TAOK3: variants seen among roughly 807,000 people sequenced by gnomAD.
TAOK3 encodes TAO kinase 3.
Under a neutral mutation model 120.4 loss-of-function variants are expected in TAOK3, and 40 were observed. The observed-to-expected ratio is 0.33, with a 90% CI of 0.26 to 0.43. The LOEUF is 0.43. Among genes scored for constraint, TAOK3 ranks in the 20% least tolerant of loss-of-function variants. TAOK3 has a pLI of 1.00. For missense variants in TAOK3, 821 were observed against 1,112.1 expected, an observed-to-expected ratio of 0.74 and a Z score of 3.72; for synonymous variants, 355 against 387.5, an observed-to-expected ratio of 0.92 and a Z score of 0.99.
chr12:118,333,965 A>G (rs1365783829), intron 1 of TAOK3, among the ~76,000 whole-genome samples: 1 of 151,706 alleles, frequency 6.6e-6, no homozygotes, highest in Non-Finnish European at 1.5e-5. Context: ...GAGAAACCCC[A>G]TCTCTACTAA....
chr12:118,189,744 G>A lies in TAOK3; in HGVS notation c.1329+63C>T. On this transcript the variant is annotated intron_variant, in intron 14 of 20. Coordinates refer to ENST00000392533, the MANE Select transcript of TAOK3 (RefSeq NM_016281.4). ...AAGCCGAGACAGGCTCAGGGAGGGC[G>A]AGAGGCTGCCAGATGGGGAGGAGGG... 5 of 1,600,368 alleles carry A rather than the reference G, an allele frequency of 3.1e-6. No homozygotes were observed. The South Asian group carries it at 3.3e-5, about 11-fold the overall frequency.
At chr12:118,213,164 CT>C (rs1471952448) in intron 10 of TAOK3, among the ~76,000 whole-genome samples, 169 bp from the exon 11 acceptor site, 2 of 152,112 alleles carry the variant, frequency 1.3e-5, no homozygotes, top group Non-Finnish European at 2.9e-5. Context: ...ATCTAAAATT[CT>C]TTTGGATAAT....
chr12:118,307,626 T>C (rs2140799223), intron 1 of TAOK3, among the ~76,000 whole-genome samples: 1 of 152,258 alleles, frequency 6.6e-6, no homozygotes, highest in East Asian at 1.9e-4. Flanking sequence ...ACCCCTTCTT[T>C]CCTTCCACTG....
At chr12:118,223,901 T>G (rs1418105447) in intron 9 of TAOK3, among the ~76,000 whole-genome samples, 1 of 152,102 alleles carries the variant, frequency 6.6e-6, no homozygotes, top group Non-Finnish European at 1.5e-5. Flanking sequence ...TGGCCTCCCA[T>G]AGTGCTGGAA....
intron 12 of TAOK3, 48 bp downstream of exon 12, chr12:118,201,248 C>G: frequency 6.5e-7 from 1 of 1,541,390 alleles, no homozygotes; most frequent in East Asian, 2.3e-5. Context: ...AGAACTTTTT[C>G]ACATAGTGGG....
intron 2 of TAOK3, among the ~76,000 whole-genome samples, chr12:118,262,743 C>G (rs1217558548): frequency 6.7e-6 from 1 of 148,502 alleles, no homozygotes; most frequent in East Asian, 2.1e-4. Context: ...AGGAGAATCG[C>G]TTGAAACCGG....
At chr12:118,250,218 C>A (rs1489700046) in intron 3 of TAOK3, among the ~76,000 whole-genome samples, 2 of 152,142 alleles carry the variant, frequency 1.3e-5, no homozygotes, top group Admixed American at 6.6e-5. Flanking sequence ...ACCTCGGCCT[C>A]CCAAAGTGCT....
intron 1 of TAOK3, among the ~76,000 whole-genome samples, chr12:118,316,634 T>C (rs537504156): frequency 1.3e-5 from 2 of 152,210 alleles, no homozygotes; most frequent in African/African-American, 4.8e-5. Context: ...CAGGCTGGTC[T>C]TGAACTTCTG....
intron 9 of TAOK3, among the ~76,000 whole-genome samples, chr12:118,215,894 A>AT (rs1177263025): frequency 0.058 from 8,291 of 142,084 alleles, 430 homozygotes; most frequent in East Asian, 0.24. Flanking sequence ...AATTTAAACA[A>AT]TTTTTTTTTT....
At position 118,160,491 on chromosome 12, in the gene TAOK3, A is replaced by C; in HGVS notation, c.2140-133T>G. 1.4e-6 allele frequency: 1 copy of C among 709,990 alleles called. No homozygotes were observed. Among genetic ancestry groups the C allele is most frequent in the Admixed American group, 2.7e-5 (1 of 36,538 alleles). 44.0% of individuals were successfully genotyped at this position (709,990 alleles called of 1,614,324 possible). A position where few individuals can be genotyped will look rare whatever the true frequency, so the allele number is the denominator to read the frequency against. On this transcript the variant is annotated intron_variant, in intron 18 of 20. Coordinates refer to ENST00000392533, the MANE Select transcript of TAOK3 (RefSeq NM_016281.4). The surrounding 1 kb of genome is among the most constrained non-coding windows in gnomAD (Gnocchi z 4.2). ...CAGTGACTCACATTGCTAATCAATA[A>C]AAATCAAGCAGTATGTATGACACAG...
intron 1 of TAOK3, among the ~76,000 whole-genome samples, chr12:118,334,917 G>A (rs1283841722): frequency 4.0e-5 from 6 of 149,256 alleles, no homozygotes; most frequent in Admixed American, 6.7e-5. Context: ...AGTGGCTCAT[G>A]CCTGTAATCC....
At chr12:118,368,239 C>T (rs1173206814) in intron 1 of TAOK3, among the ~76,000 whole-genome samples, 4 of 152,098 alleles carry the variant, frequency 2.6e-5, no homozygotes, top group Non-Finnish European at 5.9e-5. Flanking sequence ...CTCTGTCGCC[C>T]AGGCTGGAGT....
At chr12:118,280,512 C>G (rs1430774215) in intron 1 of TAOK3, among the ~76,000 whole-genome samples, 2 of 152,116 alleles carry the variant, frequency 1.3e-5, no homozygotes, top group Non-Finnish European at 2.9e-5. Flanking sequence ...TGTAGGTGTG[C>G]GGCATTATTT....
intron 9 of TAOK3, among the ~76,000 whole-genome samples, chr12:118,227,264 A>T (rs2039551237): frequency 6.8e-6 from 1 of 146,214 alleles, no homozygotes; most frequent in South Asian, 2.2e-4. Context: ...ATAATATAAA[A>T]TTATGTTATA....
Position 118,255,579 on chromosome 12 carries a change from G to A in TAOK3, c.-12C>T, listed in dbSNP as rs1490103567. On this transcript the variant is annotated 5_prime_UTR_variant, in exon 3 of 21. Coordinates refer to ENST00000392533, the MANE Select transcript of TAOK3 (RefSeq NM_016281.4). ...ACCCCTTTACGCATGATGGCCAGTA[G>A]AGCAGGCTCTGCTTTTTGATATCAG... 1 of 1,593,370 alleles carries A rather than the reference G, an allele frequency of 6.3e-7. No homozygotes were observed. The highest frequency in any genetic ancestry group is 1.8e-5 in the Admixed American group (1 of 55,570).
intron 1 of TAOK3, among the ~76,000 whole-genome samples, chr12:118,303,198 C>T (rs922230151): frequency 2.6e-5 from 4 of 152,160 alleles, no homozygotes; most frequent in African/African-American, 9.7e-5. Flanking sequence ...GCCCTATTTA[C>T]TCTTCTTAAA....
intron 1 of TAOK3, among the ~76,000 whole-genome samples, chr12:118,330,880 T>C (rs574533582): frequency 7.2e-5 from 11 of 152,298 alleles, no homozygotes; most frequent in African/African-American, 2.6e-4. Context: ...TTCATAAGTC[T>C]GAAACTGCCA....
chr12:118,278,905 C>G (rs148375398), intron 1 of TAOK3, among the ~76,000 whole-genome samples: 4 of 152,254 alleles, frequency 2.6e-5, no homozygotes, highest in Non-Finnish European at 4.4e-5. Flanking sequence ...CTCCCGGGTT[C>G]AAGCAATTCT....
intron 1 of TAOK3, among the ~76,000 whole-genome samples, chr12:118,353,315 C>T (rs11068917): frequency 4.6e-5 from 7 of 151,908 alleles, no homozygotes; most frequent in Admixed American, 2.6e-4. Flanking sequence ...GTAAAATCTG[C>T]GTAGGCAGCG....
Sources: allele counts gnomAD v4.1 joint callset (sites outside exome capture counted in the v4.1 genomes callset), GRCh38; gene constraint gnomAD v4.1.1; non-coding constraint Gnocchi (gnomAD v3.1); transcripts MANE v1.5; gene names NCBI Gene and HGNC (gene_info 2026-07-23, HGNC 2026-07-21).